The following QPRT variants were observed in gnomAD, a reference collection of about 807,000 sequenced individuals.
QPRT encodes the protein quinolinate phosphoribosyltransferase.
QPRT carries 17 observed loss-of-function variants against 19.8 expected under a neutral mutation model. The ratio of observed to expected loss-of-function variants is 0.86; its 90% CI spans 0.59 to 1.29. The LOEUF (loss-of-function observed/expected upper bound fraction) is 1.29, where lower values mean the gene tolerates loss of function less well. Among genes scored for constraint, QPRT ranks in the 50% most tolerant of loss-of-function variants. QPRT has a pLI of 0.00. For synonymous variants in QPRT, 178 were observed against 191.0 expected (o/e 0.93, Z 0.56); for missense variants, 336 against 405.1 (o/e 0.83, Z 1.46).
Position 29,697,384 on chromosome 16 carries a change from G to C in QPRT, c.867G>C (p.Glu289Asp). ...LDFSLKLFAK[E>D]VAPVPKIH ...TCTCCCTCAAGCTGTTTGCCAAAGA[G>C]GTGGCTCCAGTGCCCAAAATCCACT... Residue 289 changes from glutamate to aspartate, a missense_variant, in exon 4 of 4, where the codon GAG becomes GAC. Glu to Asp is a conservative substitution (Grantham distance 45). Transcript: ENST00000395384. This position sits in a 1 kb window ranked among gnomAD's most constrained non-coding sequence, Gnocchi z 4.4. 6.2e-7 allele frequency: 1 copy of C among 1,613,362 alleles called. No homozygotes were observed. The highest frequency in any genetic ancestry group is 8.5e-7 in the Non-Finnish European group (1 of 1,179,918).
At chr16:29,688,844 G>A (rs1174226354) in intron 1 of QPRT, among the ~76,000 whole-genome samples, 85 of 143,060 alleles carry the variant, frequency 5.9e-4, no homozygotes, top group African/African-American at 1.9e-3. Context: ...GCAATGGCGC[G>A]ATATTGACTC....
At chr16:29,679,754 C>T (rs1966936485) in intron 1 of QPRT, among the ~76,000 whole-genome samples, 1 of 152,038 alleles carries the variant, frequency 6.6e-6, no homozygotes, top group South Asian at 2.1e-4. Flanking sequence ...TAAAGCAGCC[C>T]CAGGGGGCCA....
intron 1 of QPRT, among the ~76,000 whole-genome samples, chr16:29,689,658 C>T (rs1352732399): frequency 1.3e-5 from 2 of 152,078 alleles, no homozygotes; most frequent in African/African-American, 2.4e-5. Context: ...CGAAATCAGG[C>T]CTGGGCGTGC....
chr16:29,680,532 C>T (rs1232070202), intron 1 of QPRT, among the ~76,000 whole-genome samples: 1 of 152,164 alleles, frequency 6.6e-6, no homozygotes, highest in Non-Finnish European at 1.5e-5. Context: ...AGCACAAACC[C>T]AGGGGTCCAT....
At chr16:29,687,512 C>A (rs1842735763) in intron 1 of QPRT, among the ~76,000 whole-genome samples, 1 of 152,136 alleles carries the variant, frequency 6.6e-6, no homozygotes. Flanking sequence ...CCCTCAGGGG[C>A]CTTGGGTTCC....
At chr16:29,681,521 G>T (rs1967004796) in intron 1 of QPRT, among the ~76,000 whole-genome samples, 1 of 105,116 alleles carries the variant, frequency 9.5e-6, no homozygotes, top group East Asian at 3.2e-4. Context: ...TTTTGAGACA[G>T]AGTCTCGCCC....
At chr16:29,684,456 T>C (rs1434405105) in intron 1 of QPRT, among the ~76,000 whole-genome samples, 2 of 152,088 alleles carry the variant, frequency 1.3e-5, no homozygotes, top group South Asian at 2.1e-4. Context: ...CCACCACGCC[T>C]GGCTAATTTT....
chr16:29,688,848 T>C (rs1370452263), intron 1 of QPRT, among the ~76,000 whole-genome samples: 3 of 151,306 alleles, frequency 2.0e-5, no homozygotes, highest in South Asian at 2.1e-4. Context: ...TGGCGCGATA[T>C]TGACTCACTG....
chr16:29,686,557 CACA>C (rs1173798152), intron 1 of QPRT, among the ~76,000 whole-genome samples: 14 of 152,198 alleles, frequency 9.2e-5, no homozygotes, highest in African/African-American at 3.4e-4. Flanking sequence ...AGTGCGGTGG[CACA>C]ATCTTGGCTC....
chr16:29,681,796 C>T (rs986829631), intron 1 of QPRT, among the ~76,000 whole-genome samples: 1 of 150,618 alleles, frequency 6.6e-6, no homozygotes, highest in Non-Finnish European at 1.5e-5. Context: ...GATCTCGGCT[C>T]ACTGCAACCT....
At chr16:29,680,361 C>T (rs967936478) in intron 1 of QPRT, among the ~76,000 whole-genome samples, 4 of 152,074 alleles carry the variant, frequency 2.6e-5, no homozygotes, top group African/African-American at 9.7e-5. Flanking sequence ...GTGTTTCAGC[C>T]CAGAGCATTC....
At chr16:29,696,927 C>T (rs1165306669) in intron 2 of QPRT, 69 bp from the exon 3 acceptor site, 26 of 1,499,864 alleles carry the variant, frequency 1.7e-5, no homozygotes, top group Non-Finnish European at 2.0e-5. Context: ...CTCGCCCTCC[C>T]GGCTCCCTGC....
chr16:29,683,835 C>T (rs1320924720), intron 1 of QPRT, among the ~76,000 whole-genome samples: 2 of 152,168 alleles, frequency 1.3e-5, no homozygotes, highest in African/African-American at 2.4e-5. Flanking sequence ...GCAGCCCAGG[C>T]AGAGGCCCCA....
At chr16:29,687,438 C>T (rs113626204) in intron 1 of QPRT, among the ~76,000 whole-genome samples, 9 of 152,296 alleles carry the variant, frequency 5.9e-5, no homozygotes, top group African/African-American at 1.4e-4. Flanking sequence ...GCTCTGGGGC[C>T]GCACACCTGA....
At chr16:29,689,040 C>T (rs1402569471) in intron 1 of QPRT, among the ~76,000 whole-genome samples, 1 of 152,228 alleles carries the variant, frequency 6.6e-6, no homozygotes, top group South Asian at 2.1e-4. Flanking sequence ...CTCAGCCTCC[C>T]AAAGTGCTGG....
At chr16:29,686,882 T>A (rs1967178287) in intron 1 of QPRT, among the ~76,000 whole-genome samples, 1 of 152,216 alleles carries the variant, frequency 6.6e-6, no homozygotes, top group African/African-American at 2.4e-5. Flanking sequence ...CCTCCACACC[T>A]GGCAACTTCT....
intron 1 of QPRT, among the ~76,000 whole-genome samples, chr16:29,684,496 A>G (rs1465161314): frequency 6.6e-6 from 1 of 151,742 alleles, no homozygotes; most frequent in East Asian, 1.9e-4. Flanking sequence ...GGGTTTTGCT[A>G]TGTTGGCCCC....
intron 1 of QPRT, among the ~76,000 whole-genome samples, chr16:29,685,452 C>T (rs1403751438): frequency 6.6e-6 from 1 of 152,154 alleles, no homozygotes; most frequent in South Asian, 2.1e-4. Flanking sequence ...GCCCAGGCGA[C>T]AGTGAGACTC....
intron 1 of QPRT, among the ~76,000 whole-genome samples, chr16:29,692,565 C>CAAA (rs59259546): frequency 9.0e-6 from 1 of 111,482 alleles, no homozygotes; most frequent in African/African-American, 3.2e-5. Flanking sequence ...AGACTATCTC[C>CAAA]AAAAAAAAAA....
Sources: allele counts gnomAD v4.1 joint callset (sites outside exome capture counted in the v4.1 genomes callset), GRCh38; gene constraint gnomAD v4.1.1; non-coding constraint Gnocchi (gnomAD v3.1); transcripts MANE v1.5; gene names NCBI Gene and HGNC (gene_info 2026-07-23, HGNC 2026-07-21).